The following R3HDM2 variants were observed in gnomAD, a reference collection of about 807,000 sequenced individuals.
The protein encoded by R3HDM2 is R3H domain containing 2.
A neutral mutation model predicts 124.5 loss-of-function variants in R3HDM2; 38 were observed. The ratio of observed to expected loss-of-function variants is 0.31; its 90% CI spans 0.24 to 0.40. The LOEUF (loss-of-function observed/expected upper bound fraction) is 0.40, where lower values mean the gene tolerates loss of function less well. Among genes scored for constraint, R3HDM2 ranks in the 10% least tolerant of loss-of-function variants. R3HDM2 has a pLI of 1.00. For missense variants in R3HDM2, 869 were observed against 1,236.9 expected, an observed-to-expected ratio of 0.70 and a Z score of 4.46; for synonymous variants, 391 against 448.0, an observed-to-expected ratio of 0.87 and a Z score of 1.61.
chr12:57,342,776 T>C lies in R3HDM2; in HGVS notation c.-35-32313A>G, dbSNP rs139148030. Among the ~76,000 whole-genome samples the C allele has an allele frequency of 5.5e-3, 832 of 152,306 alleles. 5 individuals are homozygous for C. Among genetic ancestry groups the C allele is most frequent in the African/African-American group, 0.019 (796 of 41,554 alleles). ...ATAACTGAGGTCAGGGATATGATCTTTGCCTAAAAGCTACTGGGCTGGACT... is the reference window on the plus strand; with the variant it reads ...ATAACTGAGGTCAGGGATATGATCTCTGCCTAAAAGCTACTGGGCTGGACT... On this transcript the variant is annotated intron_variant, in intron 2 of 23. Transcript: ENST00000402412.
intron 1 of R3HDM2, among the ~76,000 whole-genome samples, chr12:57,413,402 G>A (rs945645465): frequency 3.4e-5 from 5 of 148,554 alleles, no homozygotes; most frequent in Admixed American, 6.8e-5. Flanking sequence ...AAGACCAGCC[G>A]GGCCAATATA....
chr12:57,308,423 G>A (rs1318077918), intron 3 of R3HDM2, among the ~76,000 whole-genome samples: 1 of 149,450 alleles, frequency 6.7e-6, no homozygotes, highest in Non-Finnish European at 1.5e-5. Flanking sequence ...GCCAGGTGCT[G>A]CCTGCAATCC....
chr12:57,352,560 T>G (rs1163304483), intron 2 of R3HDM2, among the ~76,000 whole-genome samples: 1 of 150,112 alleles, frequency 6.7e-6, no homozygotes, highest in Admixed American at 6.7e-5. Flanking sequence ...TGGCATGATC[T>G]CGGCTCACTG....
chr12:57,288,275 A>T lies in R3HDM2; in HGVS notation c.938+734T>A, dbSNP rs182780598. ...CACCTCGGCCTCCCAATGTGCTGGGATTACAGGCGTGAGTCACCGCGCCTG... is the reference window on the plus strand; with the variant it reads ...CACCTCGGCCTCCCAATGTGCTGGGTTTACAGGCGTGAGTCACCGCGCCTG... On this transcript the variant is annotated intron_variant, in intron 12 of 23. Transcript: ENST00000402412. Among the ~76,000 whole-genome samples the T allele has an allele frequency of 2.6e-4, 40 of 152,026 alleles. No individual in the cohort carries two copies. The East Asian group carries it at 7.7e-3, about 29-fold the overall frequency.
intron 22 of R3HDM2, 68 bp downstream of exon 22, chr12:57,256,346 C>A: frequency 1.5e-6 from 2 of 1,336,678 alleles, no homozygotes; most frequent in Admixed American, 2.3e-5. Flanking sequence ...CTGGTTGAAG[C>A]TCAGACACAG....
At chr12:57,343,551 A>T (rs967580954) in intron 2 of R3HDM2, among the ~76,000 whole-genome samples, 10 of 152,080 alleles carry the variant, frequency 6.6e-5, no homozygotes, top group Non-Finnish European at 1.0e-4. Context: ...TCAGGAAGTA[A>T]TGAACATTAC....
At chr12:57,330,140 A>G (rs2057931842) in intron 2 of R3HDM2, among the ~76,000 whole-genome samples, 1 of 151,242 alleles carries the variant, frequency 6.6e-6, no homozygotes, top group South Asian at 2.1e-4. Context: ...CTAGTTTTGT[A>G]TTTTTAGTAG....
intron 2 of R3HDM2, among the ~76,000 whole-genome samples, chr12:57,360,869 G>A (rs941562388): frequency 6.6e-5 from 10 of 151,574 alleles, no homozygotes; most frequent in African/African-American, 1.9e-4. Flanking sequence ...TGGCTAACAC[G>A]GTGAAACCCT....
Position 57,268,967 on chromosome 12 carries a change from C to A in R3HDM2, c.1830G>T (p.Gln610His). 1 of 1,614,214 alleles carries A rather than the reference C, an allele frequency of 6.2e-7. No homozygotes were observed. The highest frequency in any genetic ancestry group is 8.5e-7 in the Non-Finnish European group (1 of 1,180,044). ...LSSQRSSMGG[Q>H]MQGLVVQYTP... ...TGTACTGAACCACCAGGCCTTGCAT[C>A]TGGCCCCCCATGCTGCTCCTCTGGC... The change falls in exon 17 of 24, where the codon CAG becomes CAT. Residue 610 changes from glutamine (Q) to histidine (H), a missense_variant. By Grantham distance (24) the Gln-to-His change is conservative (BLOSUM62 0). Transcript: ENST00000402412.
chr12:57,304,827 T>C (rs1464732923), intron 3 of R3HDM2, among the ~76,000 whole-genome samples: 1 of 152,230 alleles, frequency 6.6e-6, no homozygotes, highest in African/African-American at 2.4e-5. Context: ...CTTTTGGATA[T>C]ATCCAGGTAT....
At chr12:57,281,115 C>T (rs2046009569) in intron 13 of R3HDM2, among the ~76,000 whole-genome samples, 1 of 151,906 alleles carries the variant, frequency 6.6e-6, no homozygotes, top group African/African-American at 2.4e-5. Context: ...AGTGAAACTC[C>T]GTCTCTACTG....
In R3HDM2 at chr12:57,254,766, C is replaced by T; in HGVS notation, c.*7G>A. ...CCTTCTGTGACAGTCCCTTTCCCCTCCTCCATTTATTGGGAGCTGGCTCGC... is the reference window on the plus strand; with the variant it reads ...CCTTCTGTGACAGTCCCTTTCCCCTTCTCCATTTATTGGGAGCTGGCTCGC... On this transcript the variant is annotated 3_prime_UTR_variant, in exon 24 of 24. Coordinates refer to ENST00000402412, the MANE Select transcript of R3HDM2 (RefSeq NM_001394031.1). 1 of 1,519,992 alleles carries T rather than the reference C, an allele frequency of 6.6e-7. No homozygotes were observed. The highest frequency in any genetic ancestry group is 2.3e-5 in the East Asian group (1 of 44,300). The allele number at this position is 1,519,992 out of a possible 1,614,324, so 94.2% of individuals were successfully genotyped here. A position where few individuals can be genotyped will look rare whatever the true frequency, so the allele number is the denominator to read the frequency against.
At chr12:57,403,456 C>T (rs960941345) in intron 1 of R3HDM2, among the ~76,000 whole-genome samples, 5 of 151,336 alleles carry the variant, frequency 3.3e-5, no homozygotes, top group Non-Finnish European at 5.9e-5. Context: ...CACACCATTG[C>T]ACTCCAGCCT....
intron 2 of R3HDM2, among the ~76,000 whole-genome samples, chr12:57,362,909 C>T (rs2137644911): frequency 6.6e-6 from 1 of 152,234 alleles, no homozygotes; most frequent in East Asian, 1.9e-4. Flanking sequence ...GCAACCTCTG[C>T]CTCCTGGTTC....
chr12:57,386,354 G>A (rs908639582), intron 2 of R3HDM2, among the ~76,000 whole-genome samples: 6 of 152,230 alleles, frequency 3.9e-5, no homozygotes, highest in Non-Finnish European at 8.8e-5. Flanking sequence ...TGGCGCTTGC[G>A]GGCCAGCACG....
At chr12:57,359,500 A>C (rs1346927334) in intron 2 of R3HDM2, among the ~76,000 whole-genome samples, 1 of 152,244 alleles carries the variant, frequency 6.6e-6, no homozygotes, top group Non-Finnish European at 1.5e-5. Flanking sequence ...ATATTAATAC[A>C]GTAAAATCTT....
intron 2 of R3HDM2, among the ~76,000 whole-genome samples, chr12:57,361,065 A>AAG (rs1165477884): frequency 6.7e-6 from 1 of 150,304 alleles, no homozygotes; most frequent in Non-Finnish European, 1.5e-5. Context: ...AAAAAAAAAA[A>AAG]AAAAAAGCAA....
At chr12:57,311,202 G>T (rs2053831675) in intron 2 of R3HDM2, among the ~76,000 whole-genome samples, 1 of 151,760 alleles carries the variant, frequency 6.6e-6, no homozygotes, top group East Asian at 1.9e-4. Flanking sequence ...AAGCTTAAAT[G>T]GTTATAGAAT....
At position 57,295,467 on chromosome 12, in the gene R3HDM2, T is replaced by A. The variant is rs1288943384; in HGVS notation, c.742A>T (p.Asn248Tyr). The part of the protein sequence containing the change: ...RFSEHIKDEK[N>Y]TEFQQRFILK... ...ATGAACCTCTGTTGAAATTCTGTAT[T>A]CTTCTCATCCTTTATATGTTCTGAG... The change falls in exon 10 of 24, where the codon AAT becomes TAT. Residue 248 changes from asparagine to tyrosine, a missense_variant. By Grantham distance (143) the Asn-to-Tyr change is moderately radical (BLOSUM62 -2). Coordinates refer to ENST00000402412, the MANE Select transcript of R3HDM2 (RefSeq NM_001394031.1). 1 of 1,551,868 alleles carries A rather than the reference T, an allele frequency of 6.4e-7. No homozygotes were observed. Among genetic ancestry groups the A allele is most frequent in the Admixed American group, 2.0e-5 (1 of 51,010 alleles).
Sources: gnomAD v4.1 joint callset for allele counts (sites outside exome capture counted in the v4.1 genomes callset) on GRCh38, gnomAD v4.1.1 for gene constraint, MANE v1.5 for transcripts, NCBI Gene and HGNC (gene_info 2026-07-23, HGNC 2026-07-21) for gene names.